Variants in PHC3 observed in about 807,000 individuals in gnomAD.
PHC3 encodes polyhomeotic homolog 3.
A neutral mutation model predicts 107.4 loss-of-function variants in PHC3; 13 were observed. The ratio of observed to expected loss-of-function variants is 0.12; its 90% CI spans 0.08 to 0.19. The LOEUF is 0.19. Ranked by LOEUF, PHC3 falls within the 10% of genes least tolerant of loss-of-function variation. The pLI, the probability that PHC3 is intolerant of heterozygous loss-of-function variation, is 1.00. For synonymous variants in PHC3, 456 were observed against 427.4 expected (o/e 1.07, Z -0.83); for missense variants, 992 against 1,210.9 (o/e 0.82, Z 2.68).
intron 2 of PHC3, among the ~76,000 whole-genome samples, chr3:170,177,666 A>ATTT (rs67401455): frequency 1.9e-3 from 191 of 101,876 alleles, no homozygotes; most frequent in Middle Eastern, 0.012. Context: ...CACGCCCAGC[A>ATTT]TTTTTTTTTT....
intron 9 of PHC3, among the ~76,000 whole-genome samples, chr3:170,122,273 AT>A (rs1720493979): frequency 1.3e-5 from 2 of 152,086 alleles, no homozygotes; most frequent in South Asian, 4.2e-4. Context: ...TTTTGTTACA[AT>A]TAACTACCAT....
chr3:170,176,923 C>T (rs1313783989), intron 2 of PHC3: 1 of 455,576 alleles, frequency 2.2e-6, no homozygotes, highest in African/African-American at 2.0e-5. Context: ...GGCTATATAG[C>T]TCCTAAAGAT....
chr3:170,159,079 G>A (rs1020509375), intron 4 of PHC3, among the ~76,000 whole-genome samples: 1 of 151,642 alleles, frequency 6.6e-6, no homozygotes, highest in African/African-American at 2.4e-5. Context: ...GTGAAACCGC[G>A]TATCCACTAA....
At position 170,103,899 on chromosome 3, in the gene PHC3, G is replaced by A. The variant is rs116142246; in HGVS notation, c.2469-965C>T. 5.0e-3 allele frequency among the ~76,000 whole-genome samples: 754 copies of A among 152,044 alleles called. 5 individuals are homozygous for A. The highest frequency in any genetic ancestry group is 0.017 in the African/African-American group (720 of 41,484). ...TTCAAGGCCAACACGGTGAAAACCCGTCTCTACCCAAAATACAAAAACTAG... is the reference window on the plus strand; with the variant it reads ...TTCAAGGCCAACACGGTGAAAACCCATCTCTACCCAAAATACAAAAACTAG... On this transcript the variant is annotated intron_variant, in intron 12 of 14. Transcript: ENST00000495893.
intron 6 of PHC3, among the ~76,000 whole-genome samples, chr3:170,144,496 A>G (rs1465618519): frequency 6.6e-6 from 1 of 152,156 alleles, no homozygotes; most frequent in East Asian, 1.9e-4. Flanking sequence ...GGGTAAACAT[A>G]AGGAGTAGAA....
At chr3:170,153,598 C>T (rs1233618014) in intron 4 of PHC3, among the ~76,000 whole-genome samples, 1 of 151,966 alleles carries the variant, frequency 6.6e-6, no homozygotes, top group East Asian at 1.9e-4. Context: ...CCCATCTCTA[C>T]TAAAAATACA....
At chr3:170,108,383 A>G (rs1716983549) in intron 11 of PHC3, among the ~76,000 whole-genome samples, 1 of 152,202 alleles carries the variant, frequency 6.6e-6, no homozygotes, top group African/African-American at 2.4e-5. Context: ...TAAGTGAAGT[A>G]GCAAGAACTA....
At chr3:170,108,354 A>G (rs1560028838) in intron 11 of PHC3, among the ~76,000 whole-genome samples, 1 of 152,202 alleles carries the variant, frequency 6.6e-6, no homozygotes, top group Non-Finnish European at 1.5e-5. Flanking sequence ...CTGGGGAAGC[A>G]GATGGCAAAG....
At chr3:170,135,469 A>G (rs1481233703) in intron 7 of PHC3, among the ~76,000 whole-genome samples, 2 of 151,524 alleles carry the variant, frequency 1.3e-5, no homozygotes, top group Non-Finnish European at 2.9e-5. Flanking sequence ...TTTTTTAATG[A>G]AACATTTGTA....
intron 1 of PHC3, among the ~76,000 whole-genome samples, chr3:170,180,270 A>G (rs2108802729): frequency 6.6e-6 from 1 of 152,008 alleles, no homozygotes; most frequent in Non-Finnish European, 1.5e-5. Context: ...ACATAGGGAA[A>G]CCCTGTCTCT....
At chr3:170,177,309 A>G (rs1730628333) in intron 2 of PHC3, among the ~76,000 whole-genome samples, 1 of 152,042 alleles carries the variant, frequency 6.6e-6, no homozygotes, top group Admixed American at 6.6e-5. Flanking sequence ...TCCCCTTATA[A>G]TTTTCTTTAC....
At chr3:170,125,789 G>T (rs950185644) in intron 8 of PHC3, among the ~76,000 whole-genome samples, 6 of 152,082 alleles carry the variant, frequency 3.9e-5, no homozygotes, top group Non-Finnish European at 7.4e-5. Context: ...ATCTGTCACA[G>T]ACATCTGGCA....
intron 6 of PHC3, among the ~76,000 whole-genome samples, chr3:170,142,490 C>T (rs1305199237): frequency 1.3e-5 from 2 of 151,992 alleles, no homozygotes; most frequent in South Asian, 2.1e-4. Flanking sequence ...TTACTGAGTG[C>T]CTGTAAATGT....
At chr3:170,174,026 C>G (rs757471984) in intron 2 of PHC3, among the ~76,000 whole-genome samples, 9 of 151,992 alleles carry the variant, frequency 5.9e-5, no homozygotes, top group Non-Finnish European at 1.3e-4. Context: ...AACCCTGTCT[C>G]TACTAAAAAT....
At chr3:170,178,599 TAC>T (rs754459139) in intron 2 of PHC3, among the ~76,000 whole-genome samples, 172 bp downstream of exon 2, 3 of 152,252 alleles carry the variant, frequency 2.0e-5, no homozygotes, top group Non-Finnish European at 4.4e-5. Flanking sequence ...TCTTTACAAT[TAC>T]ACAGTCTTGG....
intron 12 of PHC3, 26 bp downstream of exon 12, chr3:170,106,806 T>C: frequency 1.9e-6 from 3 of 1,566,282 alleles, no homozygotes. Flanking sequence ...ATCTGTCCTT[T>C]GGGAAATTCA....
At chr3:170,152,170 T>C (rs1726102024) in intron 4 of PHC3, among the ~76,000 whole-genome samples, 1 of 151,738 alleles carries the variant, frequency 6.6e-6, no homozygotes, top group Admixed American at 6.6e-5. Context: ...GTTTTTGTTT[T>C]GTTTTGTTTT....
intron 1 of PHC3, among the ~76,000 whole-genome samples, chr3:170,180,569 T>TG (rs1487391431): frequency 1.3e-5 from 2 of 151,504 alleles, no homozygotes; most frequent in East Asian, 3.9e-4. Flanking sequence ...CTTCTGTTTT[T>TG]TTTTTTTTTT....
At chr3:170,143,969 G>C (rs78030477) in intron 6 of PHC3, among the ~76,000 whole-genome samples, 1,850 of 151,832 alleles carry the variant, frequency 0.012, 40 homozygotes, top group African/African-American at 0.042. Context: ...TTATACCAAG[G>C]TTCTTTTGCT....
Sources: gnomAD v4.1 joint callset for allele counts (sites outside exome capture counted in the v4.1 genomes callset) on GRCh38, gnomAD v4.1.1 for gene constraint, MANE v1.5 for transcripts, NCBI Gene and HGNC (gene_info 2026-07-23, HGNC 2026-07-21) for gene names.